GRM1: variants seen among roughly 807,000 people sequenced by gnomAD.
The protein encoded by GRM1 is glutamate metabotropic receptor 1.
In GRM1, 33 loss-of-function variants were observed where a neutral mutation model predicts 90.9. That is an observed-to-expected ratio of 0.36 (90% CI 0.28 to 0.49). The LOEUF is 0.49. Among genes scored for constraint, GRM1 ranks in the 20% least tolerant of loss-of-function variants. The probability of loss-of-function intolerance (pLI) is 0.99; values close to 1 mark genes in which losing one functional copy is unlikely to be tolerated. For missense variants in GRM1, 1,190 were observed against 1,534.3 expected, an observed-to-expected ratio of 0.78 and a Z score of 3.75; for synonymous variants, 700 against 613.2, an observed-to-expected ratio of 1.14 and a Z score of -2.09.
chr6:146,395,488 C>T (rs756862459), intron 6 of GRM1, among the ~76,000 whole-genome samples: 1 of 151,998 alleles, frequency 6.6e-6, no homozygotes, highest in Non-Finnish European at 1.5e-5. Flanking sequence ...AAATGTTACA[C>T]CACTGGGTTA....
chr6:146,076,002 C>T (rs1359614831), intron 1 of GRM1, among the ~76,000 whole-genome samples: 21 of 152,158 alleles, frequency 1.4e-4, no homozygotes, highest in Admixed American at 1.4e-3. Flanking sequence ...TTCAACATAT[C>T]TTTGTTGAAG....
At chr6:146,390,488 T>C (rs937985304) in intron 6 of GRM1, among the ~76,000 whole-genome samples, 1 of 152,006 alleles carries the variant, frequency 6.6e-6, no homozygotes, top group African/African-American at 2.4e-5. Context: ...TTTAACAATT[T>C]GTGGACCAAT....
chr6:146,151,286 T>C (rs1777325689), intron 1 of GRM1, among the ~76,000 whole-genome samples: 1 of 152,204 alleles, frequency 6.6e-6, no homozygotes, highest in African/African-American at 2.4e-5. Flanking sequence ...TATCTACATA[T>C]TTTCTCTATA....
intron 3 of GRM1, among the ~76,000 whole-genome samples, chr6:146,344,393 T>C (rs967381044): frequency 1.3e-5 from 2 of 152,206 alleles, no homozygotes; most frequent in Admixed American, 1.3e-4. Context: ...GTATTTGTCG[T>C]TCTTGTTTCT....
chr6:146,062,786 A>G (rs1293002184), intron 1 of GRM1, among the ~76,000 whole-genome samples: 1 of 152,004 alleles, frequency 6.6e-6, no homozygotes. Flanking sequence ...TCATTTGTCT[A>G]CAATCTGCTC....
At chr6:146,041,490 G>C (rs1399724115) in intron 1 of GRM1, among the ~76,000 whole-genome samples, 1 of 151,952 alleles carries the variant, frequency 6.6e-6, no homozygotes, top group Non-Finnish European at 1.5e-5. Flanking sequence ...CTAGGCCCAG[G>C]TTTCCCACAG....
chr6:146,067,235 C>T (rs1026159175), intron 1 of GRM1, among the ~76,000 whole-genome samples: 2 of 152,110 alleles, frequency 1.3e-5, no homozygotes, highest in Non-Finnish European at 2.9e-5. Context: ...GGCTGTATTC[C>T]TTAGAGAGTA....
chr6:146,292,442 G>A (rs879767513), intron 2 of GRM1, among the ~76,000 whole-genome samples: 16 of 151,816 alleles, frequency 1.1e-4, no homozygotes, highest in Admixed American at 1.1e-3. Flanking sequence ...TTAACAAAAT[G>A]CAATTAAAAA....
chr6:146,341,182 A>G (rs1208435211), intron 3 of GRM1, among the ~76,000 whole-genome samples: 2 of 152,082 alleles, frequency 1.3e-5, no homozygotes, highest in African/African-American at 4.8e-5. Flanking sequence ...CATTCCTTCA[A>G]TCTAGCCTTG....
chr6:146,068,019 C>T (rs779071265), intron 1 of GRM1, among the ~76,000 whole-genome samples: 1 of 152,012 alleles, frequency 6.6e-6, no homozygotes, highest in Non-Finnish European at 1.5e-5. Flanking sequence ...TTTAAAAGGT[C>T]GCTTATAGCT....
rs141553131 is a variant in GRM1 at position 146,193,641 on chromosome 6, A to G, written c.950+34044A>G. ...GTGAGATACATATTTTGTGTGTCTCAGGTTTTACAACATGTAATTGTTATA... is the reference window on the plus strand; with the variant it reads ...GTGAGATACATATTTTGTGTGTCTCGGGTTTTACAACATGTAATTGTTATA... On this transcript the variant is annotated intron_variant, in intron 2 of 7. Transcript: ENST00000282753. Among the ~76,000 whole-genome samples, 19 of 152,356 alleles carry G rather than the reference A, an allele frequency of 1.2e-4. No homozygotes were observed. The East Asian group carries it at 3.5e-3, about 28-fold the overall frequency.
intron 2 of GRM1, among the ~76,000 whole-genome samples, chr6:146,216,831 C>T (rs1419584500): frequency 2.0e-5 from 3 of 152,166 alleles, no homozygotes; most frequent in Non-Finnish European, 4.4e-5. Context: ...TCCAGCTAAG[C>T]ACCACCTGCT....
Position 146,409,976 on chromosome 6 carries a change from T to C in GRM1, c.2660+10277T>C, listed in dbSNP as rs368003250. 2.0e-5 allele frequency among the ~76,000 whole-genome samples: 3 copies of C among 152,326 alleles called. No individual in the cohort carries two copies. The South Asian group carries it at 6.2e-4, about 32-fold the overall frequency. Reference sequence around the variant, plus strand: ...CAAATTTTCCAGTTATAAAAATATATTCTCAAGTTACCATGCTCCTAGCAA... The same window carrying C: ...CAAATTTTCCAGTTATAAAAATATACTCTCAAGTTACCATGCTCCTAGCAA... On this transcript the variant is annotated intron_variant, in intron 7 of 7. Coordinates refer to ENST00000282753, the MANE Select transcript of GRM1 (RefSeq NM_001278064.2).
At chr6:146,097,825 A>T (rs1185120877) in intron 1 of GRM1, among the ~76,000 whole-genome samples, 1 of 152,232 alleles carries the variant, frequency 6.6e-6, no homozygotes, top group Non-Finnish European at 1.5e-5. Context: ...ACCTGTCCTG[A>T]TTTACACAGT....
chr6:146,217,194 CAAAGT>C (rs894875191), intron 2 of GRM1, among the ~76,000 whole-genome samples: 3 of 152,066 alleles, frequency 2.0e-5, no homozygotes, highest in African/African-American at 7.2e-5. Context: ...GAGGAGAAAG[CAAAGT>C]AATGAAAATT....
chr6:146,097,831 A>G (rs1776922831), intron 1 of GRM1, among the ~76,000 whole-genome samples: 1 of 152,226 alleles, frequency 6.6e-6, no homozygotes, highest in African/African-American at 2.4e-5. Context: ...CCTGATTTAC[A>G]CAGTCAGAAT....
intron 1 of GRM1, among the ~76,000 whole-genome samples, chr6:146,097,602 G>A (rs192408325): frequency 9.1e-4 from 139 of 152,238 alleles, no homozygotes; most frequent in African/African-American, 3.2e-3. Flanking sequence ...TCAAAGTTGG[G>A]TTCCAAATTA....
In GRM1 at chr6:146,181,627, A is replaced by G. The variant is rs569635502; in HGVS notation, c.950+22030A>G. ...GAAAATATTGATAGAGAACTGAATT[A>G]TGGCATAATGTTAGAAATTCATAGG... On this transcript the variant is annotated intron_variant, in intron 2 of 7. Coordinates refer to ENST00000282753, the MANE Select transcript of GRM1 (RefSeq NM_001278064.2). 4.4e-4 allele frequency among the ~76,000 whole-genome samples: 67 copies of G among 152,276 alleles called. 1 individual carries two copies. Among genetic ancestry groups the G allele is most frequent in the Middle Eastern group, 6.8e-3 (2 of 294 alleles).
chr6:146,198,703 A>C (rs940869014), intron 2 of GRM1, among the ~76,000 whole-genome samples: 1 of 152,210 alleles, frequency 6.6e-6, no homozygotes, highest in Non-Finnish European at 1.5e-5. Flanking sequence ...CTGAGTATCA[A>C]CTTCAATTCA....
Sources: gnomAD v4.1 joint callset for allele counts (sites outside exome capture counted in the v4.1 genomes callset) on GRCh38, gnomAD v4.1.1 for gene constraint, MANE v1.5 for transcripts, NCBI Gene and HGNC (gene_info 2026-07-23, HGNC 2026-07-21) for gene names.